Variants in CATSPERT observed in about 807,000 individuals in gnomAD.
CATSPERT encodes cation channel sperm-associated targeting subunit tau.
chr2:201,527,504 A>G, the CATSPERT span, among the ~76,000 whole-genome samples: 1 of 152,208 alleles, frequency 6.6e-6, no homozygotes, highest in Non-Finnish European at 1.5e-5. Context: ...CCCAACTTCA[A>G]ACTACAGTAC....
chr2:201,515,909 T>C, the CATSPERT span, among the ~76,000 whole-genome samples: 1 of 152,212 alleles, frequency 6.6e-6, no homozygotes, highest in Admixed American at 6.5e-5. Context: ...GTGTAACACA[T>C]CGATTTCATT....
the CATSPERT span, among the ~76,000 whole-genome samples, chr2:201,587,715 T>C: frequency 6.6e-6 from 1 of 152,142 alleles, no homozygotes; most frequent in African/African-American, 2.4e-5. Context: ...AATCTATGGA[T>C]GGATTTTTAA....
chr2:201,586,868 T>C, the CATSPERT span, among the ~76,000 whole-genome samples: 1 of 152,174 alleles, frequency 6.6e-6, no homozygotes, highest in Non-Finnish European at 1.5e-5. Context: ...TACTAATTTC[T>C]TCCTCTTGAT....
the CATSPERT span, among the ~76,000 whole-genome samples, chr2:201,587,961 C>T: frequency 6.6e-6 from 1 of 152,088 alleles, no homozygotes; most frequent in East Asian, 1.9e-4. Flanking sequence ...AACTGAATCC[C>T]TGAATAGACC....
chr2:201,558,488 A>G, the CATSPERT span, among the ~76,000 whole-genome samples: 1 of 152,374 alleles, frequency 6.6e-6, no homozygotes, highest in African/African-American at 2.4e-5. Context: ...GAAGGCAAAC[A>G]GCCTCTGCTG....
chr2:201,509,411 G>A, the CATSPERT span, among the ~76,000 whole-genome samples: 2 of 150,796 alleles, frequency 1.3e-5, no homozygotes, highest in East Asian at 1.9e-4. Flanking sequence ...GCAAATGTTC[G>A]CTACCATTCC....
the CATSPERT span, among the ~76,000 whole-genome samples, chr2:201,575,845 C>A: frequency 6.6e-6 from 1 of 152,154 alleles, no homozygotes; most frequent in Non-Finnish European, 1.5e-5. Flanking sequence ...TCGACCCACC[C>A]TCCCCATGCT....
the CATSPERT span, among the ~76,000 whole-genome samples, chr2:201,593,614 A>C: frequency 1.4e-5 from 2 of 143,128 alleles, no homozygotes; most frequent in Non-Finnish European, 3.0e-5. Flanking sequence ...TGGGAGTCTA[A>C]GTCTCTTTGT....
At chr2:201,596,342 A>C in the CATSPERT span, among the ~76,000 whole-genome samples, 1 of 152,190 alleles carries the variant, frequency 6.6e-6, no homozygotes, top group Non-Finnish European at 1.5e-5. Context: ...AACAAATGCT[A>C]CATGTTCTCA....
At chr2:201,535,255 C>A in the CATSPERT span, 21 of 984,948 alleles carry the variant, frequency 2.1e-5, no homozygotes, top group Middle Eastern at 1.6e-3. Flanking sequence ...CTTAGATGCC[C>A]AAGCTAGTAT....
At chr2:201,541,664 C>T in the CATSPERT span, among the ~76,000 whole-genome samples, 1 of 150,458 alleles carries the variant, frequency 6.6e-6, no homozygotes, top group Admixed American at 6.6e-5. Context: ...GGCATGATCT[C>T]AGCTTACTGC....
chr2:201,559,748 C>T, the CATSPERT span, among the ~76,000 whole-genome samples: 2 of 152,210 alleles, frequency 1.3e-5, no homozygotes, highest in African/African-American at 4.8e-5. Context: ...CCCCGCCAAT[C>T]TGATATCCCA....
At chr2:201,494,651 C>T in the CATSPERT span, 1 of 1,536,786 alleles carries the variant, frequency 6.5e-7, no homozygotes, top group Non-Finnish European at 8.7e-7. Context: ...ACCTCTGCAC[C>T]TAAGATATTT....
chr2:201,530,436 T>C, the CATSPERT span, among the ~76,000 whole-genome samples: 1 of 152,114 alleles, frequency 6.6e-6, no homozygotes, highest in African/African-American at 2.4e-5. Flanking sequence ...AAGAAGAAAA[T>C]TCTGTCTGTG....
the CATSPERT span, chr2:201,545,629 CAAAAAAAAA>C: frequency 7.3e-3 from 1,141 of 156,206 alleles, 4 homozygotes; most frequent in African/African-American, 0.041. Context: ...TTCCTAGAAG[CAAAAAAAAA>C]AAAAAAAAAA....
chr2:201,610,366 G>A, the CATSPERT span, among the ~76,000 whole-genome samples: 10 of 152,126 alleles, frequency 6.6e-5, no homozygotes, highest in African/African-American at 2.2e-4. Context: ...GCTGAGGCAG[G>A]AGAATGGCGT....
the CATSPERT span, among the ~76,000 whole-genome samples, chr2:201,552,405 T>C: frequency 2.7e-4 from 41 of 152,260 alleles, no homozygotes; most frequent in African/African-American, 9.9e-4. Flanking sequence ...CAAGAATAAG[T>C]TGAGTTGCTT....
chr2:201,516,736 G>GT, the CATSPERT span, among the ~76,000 whole-genome samples: 3 of 134,852 alleles, frequency 2.2e-5, no homozygotes, highest in South Asian at 8.1e-4. Flanking sequence ...TTGATTTCAG[G>GT]TTTTTGTGGA....
At chr2:201,565,794 A>G in the CATSPERT span, 1 of 1,611,368 alleles carries the variant, frequency 6.2e-7, no homozygotes, top group Non-Finnish European at 8.5e-7. Context: ...AGGATTGCAC[A>G]GCTGGAGTCC....
Sources: allele counts gnomAD v4.1 joint callset (sites outside exome capture counted in the v4.1 genomes callset), GRCh38; gene constraint gnomAD v4.1.1; transcripts MANE v1.5; gene names NCBI Gene and HGNC (gene_info 2026-07-23, HGNC 2026-07-21).